Variants in KCNU1 observed in about 807,000 individuals in gnomAD.
KCNU1 encodes potassium channel subfamily U member 1.
KCNU1 carries 93 observed loss-of-function variants against 126.8 expected under a neutral mutation model. The observed-to-expected ratio is 0.73, with a 90% CI of 0.62 to 0.87. The LOEUF is 0.87. Ranked by LOEUF, KCNU1 falls within the 40% of genes least tolerant of loss-of-function variation. The probability of loss-of-function intolerance (pLI) is 0.00; values close to 1 mark genes in which losing one functional copy is unlikely to be tolerated. For synonymous variants in KCNU1, 523 were observed against 494.2 expected (o/e 1.06, Z -0.77); for missense variants, 1,330 against 1,367.1 (o/e 0.97, Z 0.43).
In KCNU1 at chr8:36,832,082, G is replaced by A. The variant is rs538123524; in HGVS notation, c.1107-1472G>A. Among the ~76,000 whole-genome samples the A allele has an allele frequency of 5.3e-5, 8 of 152,226 alleles. No homozygotes were observed. The South Asian group carries it at 6.2e-4, about 12-fold the overall frequency. ...GATCAGATAGTTGCAGATATGCAGC[G>A]TTATTTCTGAGGGCTCTGTTCTGTT... On this transcript the variant is annotated intron_variant, in intron 10 of 26. Transcript: ENST00000399881.
In KCNU1 at chr8:36,864,428, A is replaced by G. The variant is rs746190472; in HGVS notation, c.1916A>G (p.Lys639Arg). The change falls in exon 19 of 27, where the codon AAA (lysine) becomes AGA (arginine). Residue 639 changes from lysine (K) to arginine (R), a missense_variant. Physicochemically the swap from Lys to Arg is conservative, Grantham distance 26. This residue lies in a region of KCNU1 where 1,054 missense variants were observed against 1,053.9 expected (regional missense o/e 1.00). Coordinates refer to ENST00000399881, the MANE Select transcript of KCNU1 (RefSeq NM_001031836.3). ...GTGCCATCGGTAAAGAGAATGAAAA[A>G]ATGTCTGAAGGGAATCTCCTCTCGT... ...ITVPSVKRMK[K>R]CLKGISSRIS... 6 of 1,610,788 alleles carry G rather than the reference A, an allele frequency of 3.7e-6. No individual in the cohort carries two copies. The South Asian group carries it at 6.6e-5, about 18-fold the overall frequency.
At chr8:36,798,648 T>G (rs1488240308) in intron 2 of KCNU1, among the ~76,000 whole-genome samples, 1 of 152,124 alleles carries the variant, frequency 6.6e-6, no homozygotes, top group African/African-American at 2.4e-5. Flanking sequence ...CCTGAACATT[T>G]CCTTTCTATC....
chr8:36,830,007 A>G (rs1020925000), intron 10 of KCNU1, among the ~76,000 whole-genome samples: 5 of 149,728 alleles, frequency 3.3e-5, no homozygotes, highest in Non-Finnish European at 7.4e-5. Context: ...AGGGGTTTCC[A>G]TATAAATAAT....
chr8:36,809,530 G>T (rs1803632176), intron 7 of KCNU1, among the ~76,000 whole-genome samples: 1 of 152,122 alleles, frequency 6.6e-6, no homozygotes. Context: ...AGTTACCATT[G>T]TTCAATTCAA....
chr8:36,907,983 T>G (rs1029038577), intron 20 of KCNU1, among the ~76,000 whole-genome samples: 7 of 151,374 alleles, frequency 4.6e-5, no homozygotes, highest in Non-Finnish European at 5.9e-5. Flanking sequence ...AACTCTTTGG[T>G]TTTTTTTTCC....
At chr8:36,854,472 CTT>C (rs35097649) in intron 18 of KCNU1, among the ~76,000 whole-genome samples, 13 of 135,400 alleles carry the variant, frequency 9.6e-5, no homozygotes, top group Admixed American at 1.5e-4. Context: ...TATGCTGATT[CTT>C]TTTTTTTTTT....
intron 20 of KCNU1, among the ~76,000 whole-genome samples, chr8:36,906,206 G>T (rs1807623709): frequency 7.0e-6 from 1 of 142,640 alleles, no homozygotes. Context: ...AAGTAAATAA[G>T]CACTTTTCTA....
At chr8:36,917,048 T>C (rs1204635054) in intron 22 of KCNU1, among the ~76,000 whole-genome samples, 1 of 152,188 alleles carries the variant, frequency 6.6e-6, no homozygotes, top group Non-Finnish European at 1.5e-5. Flanking sequence ...CCCTGTCATC[T>C]TCCCATTGTC....
chr8:36,816,335 T>C (rs1168888029), intron 9 of KCNU1, among the ~76,000 whole-genome samples: 3 of 152,264 alleles, frequency 2.0e-5, no homozygotes, highest in African/African-American at 4.8e-5. Flanking sequence ...GGTTTTTTTT[T>C]CCCATCTAAG....
At chr8:36,893,018 G>C (rs912453428) in intron 19 of KCNU1, among the ~76,000 whole-genome samples, 1 of 152,140 alleles carries the variant, frequency 6.6e-6, no homozygotes, top group Non-Finnish European at 1.5e-5. Context: ...ACAGCATGCA[G>C]TGGCATGATC....
intron 19 of KCNU1, among the ~76,000 whole-genome samples, chr8:36,874,029 G>A (rs910714676): frequency 7.9e-5 from 12 of 152,236 alleles, no homozygotes; most frequent in South Asian, 2.1e-4. Context: ...TTTCCATACC[G>A]TGGGATTACA....
chr8:36,912,190 A>T (rs186549226), intron 22 of KCNU1, among the ~76,000 whole-genome samples: 7 of 152,324 alleles, frequency 4.6e-5, no homozygotes, highest in Admixed American at 2.6e-4. Flanking sequence ...AAGGCATTGC[A>T]AGGCTTTTCA....
intron 10 of KCNU1, among the ~76,000 whole-genome samples, chr8:36,832,909 C>T (rs1804607011): frequency 6.6e-6 from 1 of 151,986 alleles, no homozygotes; most frequent in Non-Finnish European, 1.5e-5. Flanking sequence ...GCAATTTCTT[C>T]CAAGCTCATA....
At chr8:36,902,631 C>G (rs1379549995) in intron 19 of KCNU1, among the ~76,000 whole-genome samples, 1 of 151,946 alleles carries the variant, frequency 6.6e-6, no homozygotes, top group Non-Finnish European at 1.5e-5. Context: ...TCTGAGGATC[C>G]TAGGGAGAGT....
chr8:36,817,725 AGG>A lies in KCNU1; in HGVS notation c.1072_1073del (p.Gly358ArgfsTer5). 1 of 1,608,524 alleles carries A rather than the reference AGG, an allele frequency of 6.2e-7. No individual in the cohort carries two copies. Among genetic ancestry groups the A allele is most frequent in the Non-Finnish European group, 8.5e-7 (1 of 1,175,838 alleles). On this transcript the variant is annotated frameshift_variant, in exon 10 of 27. Transcript: ENST00000399881. LOFTEE classifies it high-confidence loss of function. ...FLRNFLRDKSGEINTEIVFLG... is the reference protein window; with the variant it reads ...FLRNFLRDKSXEINTEIVFLG... The stretch of plus-strand genomic sequence containing the variant: ...TGAGGAATTTCCTCCGCGACAAGTC[AGG>A]AGAGATCAACACTGAAATTGTTTTC...
chr8:36,796,676 A>G (rs1803111685), intron 2 of KCNU1, among the ~76,000 whole-genome samples: 1 of 152,202 alleles, frequency 6.6e-6, no homozygotes. Flanking sequence ...CAATATTAGC[A>G]TGTAACATTG....
chr8:36,888,146 G>A (rs35727025), intron 19 of KCNU1, among the ~76,000 whole-genome samples: 58,644 of 151,926 alleles, frequency 0.39, 11,451 homozygotes, highest in Admixed American at 0.44. Context: ...AAGAGATGAT[G>A]CCAATTTGGA....
At chr8:36,890,856 AT>A (rs2117444588) in intron 19 of KCNU1, among the ~76,000 whole-genome samples, 1 of 152,002 alleles carries the variant, frequency 6.6e-6, no homozygotes, top group South Asian at 2.1e-4. Flanking sequence ...TATTGTGTTT[AT>A]TATTAGTATA....
rs141219545 is a variant in KCNU1 at position 36,887,548 on chromosome 8, G to C, written c.2010-18160G>C. 6.6e-3 allele frequency among the ~76,000 whole-genome samples: 984 copies of C among 149,264 alleles called. 12 individuals carry two copies. The highest frequency in any genetic ancestry group is 0.023 in the African/African-American group (931 of 40,546). ...CTTTTCAGGGCATGAAGGCATGTAA[G>C]AGTGTATCTTCTGGAAACCGGCCAG... is the stretch of plus-strand genomic sequence containing the variant. On this transcript the variant is annotated intron_variant, in intron 19 of 26. Transcript: ENST00000399881.
Sources: allele counts gnomAD v4.1 joint callset (sites outside exome capture counted in the v4.1 genomes callset), GRCh38; gene constraint gnomAD v4.1.1; regional missense constraint gnomAD v4.1.1; transcripts MANE v1.5; gene names NCBI Gene and HGNC (gene_info 2026-07-23, HGNC 2026-07-21).